The following ABLIM2 variants were observed in gnomAD, a reference collection of about 807,000 sequenced individuals.
ABLIM2 encodes actin-binding LIM protein 2.
In ABLIM2, 53 loss-of-function variants were observed where a neutral mutation model predicts 97.7. The observed-to-expected ratio is 0.54, with a 90% CI of 0.44 to 0.68. The LOEUF is 0.68. Among genes scored for constraint, ABLIM2 ranks in the 30% least tolerant of loss-of-function variants. The pLI is 0.00. For missense variants in ABLIM2, 835 were observed against 867.2 expected, an observed-to-expected ratio of 0.96 and a Z score of 0.47; for synonymous variants, 361 against 345.8, an observed-to-expected ratio of 1.04 and a Z score of -0.49.
chr4:8,034,002 G>C (rs1215316667), intron 10 of ABLIM2, among the ~76,000 whole-genome samples: 1 of 152,226 alleles, frequency 6.6e-6, no homozygotes, highest in Non-Finnish European at 1.5e-5. Context: ...GCTGCCAGGA[G>C]GTGGAGGAGG....
Position 8,132,216 on chromosome 4 carries a change from C to G in ABLIM2, c.11-25579G>C, listed in dbSNP as rs1849538112. Among the ~76,000 whole-genome samples the G allele has an allele frequency of 6.6e-6, 1 of 152,110 alleles. No individual in the cohort carries two copies. The highest frequency in any genetic ancestry group is 1.5e-5 in the Non-Finnish European group (1 of 68,004). On this transcript the variant is annotated intron_variant, in intron 1 of 20. Coordinates refer to ENST00000447017, the MANE Select transcript of ABLIM2 (RefSeq NM_001130083.2). The surrounding 1 kb of genome is among the most constrained non-coding windows in gnomAD (Gnocchi z 8.0). ...CTGCTCACTCATGCTCACCCCCTCC[C>G]CTGCACAGAACCCCTCACTCCCTGA...
At position 8,015,294 on chromosome 4, in the gene ABLIM2, A is replaced by G. The variant is rs1026958456; in HGVS notation, c.1423+4324T>C. Among the ~76,000 whole-genome samples, 30 of 152,040 alleles carry G rather than the reference A, an allele frequency of 2.0e-4. No individual in the cohort carries two copies. Among genetic ancestry groups the G allele is most frequent in the African/African-American group, 7.2e-4 (30 of 41,386 alleles). The stretch of plus-strand genomic sequence containing the variant: ...AAGGAGAGGTTAGCGTGTCTTTTGT[A>G]TCACACAGACAGTTCCTTCAGAGCC... On this transcript the variant is annotated intron_variant, in intron 14 of 20. Coordinates refer to ENST00000447017, the MANE Select transcript of ABLIM2 (RefSeq NM_001130083.2). This position sits in a 1 kb window ranked among gnomAD's most constrained non-coding sequence, Gnocchi z 4.6.
rs527769445 is a variant in ABLIM2 at position 7,986,830 on chromosome 4, G to A, written c.1681-1937C>T. ...TGGGATTACAGGCGCCTACCACCAC[G>A]GCGAGATAATTTTTGTATTTTTAGT... is the stretch of plus-strand genomic sequence containing the variant. On this transcript the variant is annotated intron_variant, in intron 17 of 20. Coordinates refer to ENST00000447017, the MANE Select transcript of ABLIM2 (RefSeq NM_001130083.2). The surrounding 1 kb of genome is among the most constrained non-coding windows in gnomAD (Gnocchi z 4.3). Among the ~76,000 whole-genome samples the A allele has an allele frequency of 6.6e-6, 1 of 152,100 alleles. No individual in the cohort carries two copies. The highest frequency in any genetic ancestry group is 2.1e-4 in the South Asian group (1 of 4,816).
chr4:8,103,496 G>A (rs1422767570), intron 2 of ABLIM2, among the ~76,000 whole-genome samples: 3 of 152,260 alleles, frequency 2.0e-5, no homozygotes, highest in Non-Finnish European at 1.5e-5. Context: ...TGGCACAGGT[G>A]CCTGGCACAG....
Position 8,149,929 on chromosome 4 carries a change from T to C in ABLIM2, c.10+8751A>G, listed in dbSNP as rs1578543763. On this transcript the variant is annotated intron_variant, in intron 1 of 20. Coordinates refer to ENST00000447017, the MANE Select transcript of ABLIM2 (RefSeq NM_001130083.2). The surrounding 1 kb of genome is among the most constrained non-coding windows in gnomAD (Gnocchi z 6.4). ...ACTGAGTCCCCACTTGCCAGAGTGG[T>C]GGCCCCCATCCAAATGCCCCCTCCT... Among the ~76,000 whole-genome samples, 1 of 151,904 alleles carries C rather than the reference T, an allele frequency of 6.6e-6. No homozygotes were observed. Among genetic ancestry groups the C allele is most frequent in the South Asian group, 2.1e-4 (1 of 4,802 alleles).
In ABLIM2 at chr4:8,155,482, C is replaced by T. The variant is rs1715002895; in HGVS notation, c.10+3198G>A. 6.6e-6 allele frequency among the ~76,000 whole-genome samples: 1 copy of T among 152,130 alleles called. No individual in the cohort carries two copies. The highest frequency in any genetic ancestry group is 1.5e-5 in the Non-Finnish European group (1 of 68,022). On this transcript the variant is annotated intron_variant, in intron 1 of 20. Coordinates refer to ENST00000447017, the MANE Select transcript of ABLIM2 (RefSeq NM_001130083.2). The surrounding 1 kb of genome is among the most constrained non-coding windows in gnomAD (Gnocchi z 4.2). ...GGTGGGTTTGGGCTGGAACATTCCT[C>T]ATGTCCCTTCCAGTTCCATGATCCT...
At chr4:8,047,204 T>C (rs1305692908) in intron 8 of ABLIM2, among the ~76,000 whole-genome samples, 1 of 152,180 alleles carries the variant, frequency 6.6e-6, no homozygotes, top group Non-Finnish European at 1.5e-5. Flanking sequence ...AACTTGATTC[T>C]GTATCTAGAA....
chr4:8,013,483 C>T (rs1325617465), intron 14 of ABLIM2, among the ~76,000 whole-genome samples: 23 of 152,214 alleles, frequency 1.5e-4, no homozygotes, highest in African/African-American at 5.5e-4. Flanking sequence ...CTCAGCCTCA[C>T]AAAGTGCTGG....
intron 1 of ABLIM2, among the ~76,000 whole-genome samples, chr4:8,108,460 G>A (rs899241368): frequency 2.6e-5 from 4 of 152,330 alleles, no homozygotes; most frequent in East Asian, 3.9e-4. Flanking sequence ...GTCCGGCCAC[G>A]GTACCCAGCC....
rs1820388728 is a variant in ABLIM2 at position 8,082,231 on chromosome 4, C to T, written c.455-1429G>A. ...TCTACCCAAGATGGAAAGAAGGTGGCCCCAGGGCCCGACGTGCTGGGTACA... is the reference window on the plus strand; with the variant it reads ...TCTACCCAAGATGGAAAGAAGGTGGTCCCAGGGCCCGACGTGCTGGGTACA... On this transcript the variant is annotated intron_variant, in intron 4 of 20. Transcript: ENST00000447017. This position sits in a 1 kb window ranked among gnomAD's most constrained non-coding sequence, Gnocchi z 5.6. Among the ~76,000 whole-genome samples the T allele has an allele frequency of 6.6e-6, 1 of 152,154 alleles. No homozygotes were observed. Among genetic ancestry groups the T allele is most frequent in the South Asian group, 2.1e-4 (1 of 4,824 alleles).
intron 12 of ABLIM2, among the ~76,000 whole-genome samples, chr4:8,025,929 G>A (rs1002992860): frequency 6.6e-6 from 1 of 152,236 alleles, no homozygotes; most frequent in Non-Finnish European, 1.5e-5. Flanking sequence ...CCTGCCACAC[G>A]ACTGCCGTGG....
rs766303210 is a variant in ABLIM2 at position 8,005,335 on chromosome 4, G to T, written c.1618+2724C>A. ...GGTGCTCAATAAATACCCGTTGAAT[G>T]TAACGCATTTCAATTCAACAGACAT... On this transcript the variant is annotated intron_variant, in intron 16 of 20. Transcript: ENST00000447017. The surrounding 1 kb of genome is among the most constrained non-coding windows in gnomAD (Gnocchi z 4.9). 1 of 533,416 alleles carries T rather than the reference G, an allele frequency of 1.9e-6. No homozygotes were observed. Among genetic ancestry groups the T allele is most frequent in the Non-Finnish European group, 3.8e-6 (1 of 260,058 alleles). 33.0% of individuals were successfully genotyped at this position (533,416 alleles called of 1,614,324 possible). A position where few individuals can be genotyped will look rare whatever the true frequency, so the allele number is the denominator to read the frequency against.
At position 8,010,941 on chromosome 4, in the gene ABLIM2, A is replaced by G. The variant is rs190988718; in HGVS notation, c.1424-1839T>C. On this transcript the variant is annotated intron_variant, in intron 14 of 20. Coordinates refer to ENST00000447017, the MANE Select transcript of ABLIM2 (RefSeq NM_001130083.2). ...TGCTTGGAGCTCTAAGAGCACAACCATTGTCCAAGCCAGAGAAGGGCCCTG... is the reference window on the plus strand; with the variant it reads ...TGCTTGGAGCTCTAAGAGCACAACCGTTGTCCAAGCCAGAGAAGGGCCCTG... 4.3e-3 allele frequency among the ~76,000 whole-genome samples: 659 copies of G among 152,340 alleles called. 3 individuals carry two copies. Among genetic ancestry groups the G allele is most frequent in the African/African-American group, 0.015 (631 of 41,584 alleles).
chr4:8,016,699 T>G (rs1295814531), intron 14 of ABLIM2, among the ~76,000 whole-genome samples: 1 of 152,150 alleles, frequency 6.6e-6, no homozygotes, highest in African/African-American at 2.4e-5. Context: ...TCTCGAGGAC[T>G]TTCCACAGTA....
rs930957539 is a variant in ABLIM2, at chr4:8,154,056, A to T, written c.10+4624T>A. Among the ~76,000 whole-genome samples the T allele has an allele frequency of 1.0e-4, 14 of 139,008 alleles. 1 individual carries two copies. The Admixed American group carries it at 1.0e-3, about 10-fold the overall frequency. The allele number at this position is 139,008 out of a possible 152,430, so 91.2% of individuals were successfully genotyped here. A position where few individuals can be genotyped will look rare whatever the true frequency, so the allele number is the denominator to read the frequency against. Reference sequence around the variant, plus strand: ...CGGCTCACTGCAAGCTCTGCCTCCCAGGTTCACGCCATTCTCCTGCCTCAG... The same window carrying T: ...CGGCTCACTGCAAGCTCTGCCTCCCTGGTTCACGCCATTCTCCTGCCTCAG... On this transcript the variant is annotated intron_variant, in intron 1 of 20. Coordinates refer to ENST00000447017, the MANE Select transcript of ABLIM2 (RefSeq NM_001130083.2).
intron 1 of ABLIM2, among the ~76,000 whole-genome samples, chr4:8,117,208 G>A (rs927615994): frequency 6.6e-6 from 1 of 152,212 alleles, no homozygotes; most frequent in Non-Finnish European, 1.5e-5. Flanking sequence ...GGCAGAGTTG[G>A]AAGCTTATTG....
Position 7,970,631 on chromosome 4 carries a change from C to T in ABLIM2, c.1825-3528G>A, listed in dbSNP as rs1381792944. 1.3e-5 allele frequency among the ~76,000 whole-genome samples: 2 copies of T among 151,144 alleles called. No homozygotes were observed. The highest frequency in any genetic ancestry group is 4.9e-5 in the African/African-American group (2 of 41,006). On this transcript the variant is annotated intron_variant, in intron 20 of 20. Transcript: ENST00000447017. This position sits in a 1 kb window ranked among gnomAD's most constrained non-coding sequence, Gnocchi z 5.3. ...GCTGGCGGGCAAGCAGGAAGGCTGG[C>T]AGGGTGTTGGGAGGTGGGTGTGGGA...
chr4:8,152,592 A>T (rs1713373362), intron 1 of ABLIM2, among the ~76,000 whole-genome samples: 1 of 151,938 alleles, frequency 6.6e-6, no homozygotes, highest in African/African-American at 2.4e-5. Flanking sequence ...AGACTGCTCG[A>T]CTCGGGTTGC....
chr4:7,975,898 A>G (rs1331847701), intron 20 of ABLIM2, among the ~76,000 whole-genome samples: 1 of 151,986 alleles, frequency 6.6e-6, no homozygotes, highest in Non-Finnish European at 1.5e-5. Flanking sequence ...GGCCAAAAAC[A>G]CCTTTCTCGG....
Sources: gnomAD v4.1 joint callset for allele counts (sites outside exome capture counted in the v4.1 genomes callset) on GRCh38, gnomAD v4.1.1 for gene constraint, Gnocchi (gnomAD v3.1) non-coding constraint, MANE v1.5 for transcripts, NCBI Gene and HGNC (gene_info 2026-07-23, HGNC 2026-07-21) for gene names.